TMEM192: variants seen among roughly 807,000 people sequenced by gnomAD.
The protein encoded by TMEM192 is transmembrane protein 192.
Under a neutral mutation model 26.7 loss-of-function variants are expected in TMEM192, and 20 were observed. The ratio of observed to expected loss-of-function variants is 0.75; its 90% CI spans 0.53 to 1.09. The LOEUF (loss-of-function observed/expected upper bound fraction) is 1.09, where lower values mean the gene tolerates loss of function less well. Among genes scored for constraint, TMEM192 ranks in the 50% least tolerant of loss-of-function variants. The probability of loss-of-function intolerance (pLI) is 0.00; values close to 1 mark genes in which losing one functional copy is unlikely to be tolerated. For missense variants in TMEM192, 304 were observed against 322.6 expected (o/e 0.94, Z 0.44); for synonymous variants, 124 against 121.0 (o/e 1.02, Z -0.16).
chr4:165,101,069 C>T (rs1735029856), intron 2 of TMEM192, among the ~76,000 whole-genome samples, 177 bp from the exon 3 acceptor site: 1 of 149,882 alleles, frequency 6.7e-6, no homozygotes, highest in Non-Finnish European at 1.5e-5. Context: ...CTCCACCTCC[C>T]GGGTTCACGC....
chr4:165,076,027 A>G lies in TMEM192; in HGVS notation c.*3631T>C, dbSNP rs529778754. On this transcript the variant is annotated 3_prime_UTR_variant, in exon 6 of 6. Coordinates refer to ENST00000306480, the MANE Select transcript of TMEM192 (RefSeq NM_001100389.2). ...TCCAGCCTGGGAGACAGATGAGACTAAAAAAAAAAACAAAACAAAAAAAGT... is the reference window on the plus strand; with the variant it reads ...TCCAGCCTGGGAGACAGATGAGACTGAAAAAAAAAACAAAACAAAAAAAGT... 7.1e-6 allele frequency: 1 copy of G among 140,404 alleles called. No individual in the cohort carries two copies. The highest frequency in any genetic ancestry group is 7.0e-5 in the Admixed American group (1 of 14,200). The allele number at this position is 140,404 out of a possible 1,614,324, so 8.7% of individuals were successfully genotyped here. A position where few individuals can be genotyped will look rare whatever the true frequency, so the allele number is the denominator to read the frequency against.
chr4:165,089,977 C>T (rs1166387846), intron 3 of TMEM192, among the ~76,000 whole-genome samples: 1 of 151,684 alleles, frequency 6.6e-6, no homozygotes, highest in Non-Finnish European at 1.5e-5. Flanking sequence ...TTTGGGAGGC[C>T]AAGGTGGGTA....
At chr4:165,089,479 G>A (rs1435350677) in intron 3 of TMEM192, among the ~76,000 whole-genome samples, 11 of 152,104 alleles carry the variant, frequency 7.2e-5, no homozygotes, top group African/African-American at 2.4e-4. Flanking sequence ...CCGCCACCAC[G>A]CCCGGCTAAT....
chr4:165,088,424 G>A, intron 4 of TMEM192, 44 bp downstream of exon 4: 2 of 1,576,212 alleles, frequency 1.3e-6, no homozygotes, highest in Non-Finnish European at 1.7e-6. Flanking sequence ...AGGAAAGGAA[G>A]CAGTTCGAAG....
At chr4:165,102,891 CTT>C (rs1735069686) in intron 2 of TMEM192, 57 bp downstream of exon 2, 2 of 1,482,606 alleles carry the variant, frequency 1.3e-6, no homozygotes, top group Non-Finnish European at 1.8e-6. Context: ...CTCTGAAACA[CTT>C]ATATAATTTT....
chr4:165,088,483 G>A lies in TMEM192; in HGVS notation c.559C>T (p.Leu187Phe), dbSNP rs1405072468. 1 of 1,613,386 alleles carries A rather than the reference G, an allele frequency of 6.2e-7. No homozygotes were observed. The highest frequency in any genetic ancestry group is 1.1e-5 in the South Asian group (1 of 90,918). Residue 187 changes from leucine (L) to phenylalanine (F), a missense_variant, in exon 4 of 6, where the codon CTC becomes TTC. Transcript: ENST00000306480. ...TAATTCTCACCTGTGTAAATGAGGA[G>A]ACATATCAGGGAACAGATGAGTTCC... ...ALELICSLICLLIYTVKIRRF... is the reference protein window; with the variant it reads ...ALELICSLICFLIYTVKIRRF...
chr4:165,103,741 C>T (rs185902561), intron 1 of TMEM192, among the ~76,000 whole-genome samples: 144 of 152,230 alleles, frequency 9.5e-4, no homozygotes, highest in African/African-American at 3.0e-3. Context: ...AGGCTGGTCG[C>T]GAACTCCTGA....
chr4:165,105,354 G>A (rs1020052359), intron 1 of TMEM192, among the ~76,000 whole-genome samples: 2 of 152,162 alleles, frequency 1.3e-5, no homozygotes, highest in African/African-American at 4.8e-5. Flanking sequence ...GACATACGGG[G>A]GATCAACTGT....
chr4:165,109,784 T>C (rs746098933), intron 1 of TMEM192, among the ~76,000 whole-genome samples: 1 of 152,244 alleles, frequency 6.6e-6, no homozygotes, highest in African/African-American at 2.4e-5. Context: ...GAGCTTTCTA[T>C]AGAGCCCTAC....
chr4:165,079,998 A>G (rs77771595), intron 5 of TMEM192, among the ~76,000 whole-genome samples: 3 of 152,188 alleles, frequency 2.0e-5, no homozygotes, highest in African/African-American at 7.2e-5. Context: ...ATAAATTTAA[A>G]ATGCTATAAA....
chr4:165,090,187 G>GTGACAGA (rs1734723955), intron 3 of TMEM192, among the ~76,000 whole-genome samples: 1 of 132,892 alleles, frequency 7.5e-6, no homozygotes, highest in African/African-American at 2.8e-5. Context: ...CTCCAGCCTG[G>GTGACAGA]GCAACAAGAG....
intron 1 of TMEM192, among the ~76,000 whole-genome samples, chr4:165,104,291 A>C (rs1302594431): frequency 6.6e-6 from 1 of 152,230 alleles, no homozygotes; most frequent in Non-Finnish European, 1.5e-5. Context: ...AATTTAGGTC[A>C]GCTAACTGCA....
chr4:165,090,943 C>CTAGTATA (rs1734747115), intron 3 of TMEM192, among the ~76,000 whole-genome samples: 1 of 131,580 alleles, frequency 7.6e-6, no homozygotes, highest in Non-Finnish European at 1.6e-5. Context: ...CATAGAAACC[C>CTAGTATA]TAGTATATAG....
chr4:165,108,769 C>A (rs1735226999), intron 1 of TMEM192, among the ~76,000 whole-genome samples: 1 of 152,144 alleles, frequency 6.6e-6, no homozygotes, highest in South Asian at 2.1e-4. Flanking sequence ...CCGTGCATAT[C>A]TTCAGAGTTC....
At chr4:165,104,944 TCAG>T (rs1486665284) in intron 1 of TMEM192, among the ~76,000 whole-genome samples, 1 of 152,180 alleles carries the variant, frequency 6.6e-6, no homozygotes, top group Non-Finnish European at 1.5e-5. Context: ...TCATTCTCAG[TCAG>T]CAGATGTTGG....
Position 165,085,648 on chromosome 4 carries a change from A to G in TMEM192, c.615T>C (p.Asp205=). The G allele has an allele frequency of 1.9e-6, 3 of 1,612,762 alleles. No individual in the cohort carries two copies. The highest frequency in any genetic ancestry group is 2.5e-6 in the Non-Finnish European group (3 of 1,179,482). Reference sequence around the variant, plus strand: ...CATAGATTTTTTCTTCTTCAAGTATATCAGGCTCTGGTTTAGCTTTATTAA... The same window carrying G: ...CATAGATTTTTTCTTCTTCAAGTATGTCAGGCTCTGGTTTAGCTTTATTAA... The part of the protein sequence containing the change: ...RRFNKAKPEP[D]ILEEEKIYAY... Residue 205 remains aspartate, a synonymous_variant, in exon 5 of 6, where the codon GAT becomes GAC. Transcript: ENST00000306480.
intron 3 of TMEM192, among the ~76,000 whole-genome samples, chr4:165,095,836 G>A (rs972256480): frequency 2.6e-5 from 4 of 151,632 alleles, no homozygotes; most frequent in African/African-American, 7.3e-5. Flanking sequence ...GTGCAGTGGC[G>A]CCATCTTCGC....
chr4:165,095,660 T>G (rs919129786), intron 3 of TMEM192, among the ~76,000 whole-genome samples: 2 of 152,216 alleles, frequency 1.3e-5, no homozygotes, highest in Non-Finnish European at 2.9e-5. Flanking sequence ...AGAGACTGAC[T>G]GGACCCACAT....
intron 1 of TMEM192, among the ~76,000 whole-genome samples, chr4:165,112,408 G>C (rs1329555588): frequency 1.3e-5 from 2 of 152,182 alleles, no homozygotes; most frequent in African/African-American, 4.8e-5. Context: ...GGCCAGGCGC[G>C]CATCACGTGA....
Sources: gnomAD v4.1 joint callset for allele counts (sites outside exome capture counted in the v4.1 genomes callset) on GRCh38, gnomAD v4.1.1 for gene constraint, MANE v1.5 for transcripts, NCBI Gene and HGNC (gene_info 2026-07-23, HGNC 2026-07-21) for gene names.